SCRT2: variants seen among roughly 807,000 people sequenced by gnomAD.
The protein encoded by SCRT2 is transcriptional repressor scratch 2.
In SCRT2, 2 loss-of-function variants were observed where a neutral mutation model predicts 3.7. The ratio of observed to expected loss-of-function variants is 0.54; its 90% CI spans 0.22 to 1.70. SCRT2 has a LOEUF of 1.70. SCRT2 is among the 40% of genes most tolerant of loss of function. The probability of loss-of-function intolerance (pLI) is 0.19; values close to 1 mark genes in which losing one functional copy is unlikely to be tolerated. For missense variants in SCRT2, 456 were observed against 468.5 expected, an observed-to-expected ratio of 0.97 and a Z score of 0.25; for synonymous variants, 256 against 220.6, an observed-to-expected ratio of 1.16 and a Z score of -1.42.
In SCRT2 at chr20:664,379, C is replaced by T; in HGVS notation, c.216G>A (p.Ala72=). 3.5e-6 allele frequency: 5 copies of T among 1,426,148 alleles called. No homozygotes were observed. The highest frequency in any genetic ancestry group is 2.2e-5 in the Admixed American group (1 of 45,364). 88.3% of individuals were successfully genotyped at this position (1,426,148 alleles called of 1,614,324 possible). The change falls in exon 2 of 2, where the codon GCG becomes GCA. Residue 72 remains alanine (A), a synonymous_variant. Coordinates refer to ENST00000246104, the MANE Select transcript of SCRT2 (RefSeq NM_033129.4). This position sits in a 1 kb window ranked among gnomAD's most constrained non-coding sequence, Gnocchi z 7.9. The part of the protein sequence containing the change: ...PGLELAPAEP[A]YPPAAPEEYS... ...ACTCCTCCGGCGCCGCCGGCGGGTA[C>T]GCGGGCTCGGCCGGGGCCAGCTCCA... is the stretch of plus-strand genomic sequence containing the variant.
Position 675,426 on chromosome 20 carries a change from C to T in SCRT2, c.133+43G>A. The T allele has an allele frequency of 7.8e-7, 1 of 1,284,838 alleles. No individual in the cohort carries two copies. The highest frequency in any genetic ancestry group is 2.5e-5 in the South Asian group (1 of 39,316). 79.6% of individuals were successfully genotyped at this position (1,284,838 alleles called of 1,614,324 possible). ...AGCTGGGGAGGGCCCCAGCTCCCCT[C>T]GCCTCTTCTCCCAACCCCCCGCCCC... On this transcript the variant is annotated intron_variant, in intron 1 of 1. Coordinates refer to ENST00000246104, the MANE Select transcript of SCRT2 (RefSeq NM_033129.4). The surrounding 1 kb of genome is among the most constrained non-coding windows in gnomAD (Gnocchi z 6.9).
In SCRT2 at chr20:663,896, C is replaced by T. The variant is rs892207105; in HGVS notation, c.699G>A (p.Ser233=). Residue 233 remains serine, a synonymous_variant, in exon 2 of 2, where the codon TCG becomes TCA. Coordinates refer to ENST00000246104, the MANE Select transcript of SCRT2 (RefSeq NM_033129.4). The surrounding 1 kb of genome is among the most constrained non-coding windows in gnomAD (Gnocchi z 6.9). ...AGCCGAACGGCTTTTCGCCGGTGTG[C>T]GAGCGCATGTGACCCTGCAGCAGCC... The part of the protein sequence containing the change: ...RPWLLQGHMR[S]HTGEKPFGCA... 2.5e-5 allele frequency: 40 copies of T among 1,604,190 alleles called. No individual in the cohort carries two copies. The highest frequency in any genetic ancestry group is 3.1e-5 in the Non-Finnish European group (37 of 1,177,714).
intron 1 of SCRT2, among the ~76,000 whole-genome samples, chr20:672,440 T>G (rs1984370769): frequency 6.6e-6 from 1 of 151,666 alleles, no homozygotes; most frequent in Admixed American, 6.6e-5. Context: ...TGCGTGTGTG[T>G]GTATGGAGGA....
In SCRT2 at chr20:675,446, C is replaced by T. The variant is rs1599926897; in HGVS notation, c.133+23G>A. 7.7e-7 allele frequency: 1 copy of T among 1,300,730 alleles called. No individual in the cohort carries two copies. Among genetic ancestry groups the T allele is most frequent in the Non-Finnish European group, 9.8e-7 (1 of 1,015,710 alleles). The allele number at this position is 1,300,730 out of a possible 1,614,324, so 80.6% of individuals were successfully genotyped here. ...CCCCTCGCCTCTTCTCCCAACCCCCCGCCCCCGCCGGGTCCCACTCACCGT... is the reference window on the plus strand; with the variant it reads ...CCCCTCGCCTCTTCTCCCAACCCCCTGCCCCCGCCGGGTCCCACTCACCGT... On this transcript the variant is annotated intron_variant, in intron 1 of 1. Transcript: ENST00000246104. The surrounding 1 kb of genome is among the most constrained non-coding windows in gnomAD (Gnocchi z 6.9).
At position 663,763 on chromosome 20, in the gene SCRT2, C is replaced by G. The variant is rs1347193561; in HGVS notation, c.832G>C (p.Ala278Pro). 5.7e-6 allele frequency: 9 copies of G among 1,581,938 alleles called. No homozygotes were observed. The highest frequency in any genetic ancestry group is 7.7e-6 in the Non-Finnish European group (9 of 1,166,422). ...TGCTTGTGGAGGTAGGACTTGAGCG[C>G]GAAGCTCTTGTCGCACTGGCGGCAG... Reference protein sequence around the residue: ...YRCRQCDKSFALKSYLHKHCE... With the variant: ...YRCRQCDKSFPLKSYLHKHCE... The change falls in exon 2 of 2, where the codon GCG becomes CCG. Residue 278 changes from alanine (A) to proline (P), a missense_variant. Ala to Pro is a conservative substitution (Grantham distance 27). Transcript: ENST00000246104. This position sits in a 1 kb window ranked among gnomAD's most constrained non-coding sequence, Gnocchi z 6.9.
chr20:662,600 T>C lies in SCRT2; in HGVS notation c.*1071A>G, dbSNP rs1983993747. The C allele has an allele frequency of 6.6e-6, 1 of 152,256 alleles. No homozygotes were observed. The highest frequency in any genetic ancestry group is 6.5e-5 in the Admixed American group (1 of 15,274). The allele number at this position is 152,256 out of a possible 1,614,324, so 9.4% of individuals were successfully genotyped here. On this transcript the variant is annotated 3_prime_UTR_variant, in exon 2 of 2. Coordinates refer to ENST00000246104, the MANE Select transcript of SCRT2 (RefSeq NM_033129.4). The stretch of plus-strand genomic sequence containing the variant: ...CTGGGGAAGCCAGACGGTCCCTGGG[T>C]GAGGCCAAGAGATTAAATAGAATAA...
intron 1 of SCRT2, among the ~76,000 whole-genome samples, chr20:669,127 G>A (rs1984248584): frequency 6.6e-6 from 1 of 151,544 alleles, no homozygotes; most frequent in South Asian, 2.1e-4. Context: ...GTTAGCCTGT[G>A]GTGGGGTGGG....
Position 666,923 on chromosome 20 carries a change from T to A in SCRT2, c.134-2462A>T, listed in dbSNP as rs74715922. ...GGTTGTGCTTCAGGTCCTTTTTTTT[T>A]AAAATGGGATTTATCTGGAGGGGTG... On this transcript the variant is annotated intron_variant, in intron 1 of 1. Coordinates refer to ENST00000246104, the MANE Select transcript of SCRT2 (RefSeq NM_033129.4). This position sits in a 1 kb window ranked among gnomAD's most constrained non-coding sequence, Gnocchi z 4.4. Among the ~76,000 whole-genome samples the A allele has an allele frequency of 6.4e-3, 978 of 152,248 alleles. 13 individuals are homozygous for A. The highest frequency in any genetic ancestry group is 0.021 in the African/African-American group (861 of 41,524).
rs187971428 is a variant in SCRT2, at chr20:669,097, G to A, written c.134-4636C>T. Among the ~76,000 whole-genome samples, 57 of 81,256 alleles carry A rather than the reference G, an allele frequency of 7.0e-4. No individual in the cohort carries two copies. The East Asian group carries it at 0.018, about 26-fold the overall frequency. 53.3% of individuals were successfully genotyped at this position (81,256 alleles called of 152,430 possible). On this transcript the variant is annotated intron_variant, in intron 1 of 1. Transcript: ENST00000246104. ...CAATTGGTAGGGGAAGGGGTGGTGCGTTTCCTCAAACACTCCCTAGTTAGC... is the reference window on the plus strand; with the variant it reads ...CAATTGGTAGGGGAAGGGGTGGTGCATTTCCTCAAACACTCCCTAGTTAGC...
In SCRT2 at chr20:673,459, T is replaced by G. The variant is rs183933738; in HGVS notation, c.133+2010A>C. Among the ~76,000 whole-genome samples the G allele has an allele frequency of 1.8e-3, 272 of 152,308 alleles. 1 individual carries two copies. Among genetic ancestry groups the G allele is most frequent in the Middle Eastern group, 3.4e-3 (1 of 294 alleles). ...AAGGTCACACAGCATGTGAGAGATC[T>G]AGAGCCCAGGCCTCCAAATTTCAGG... On this transcript the variant is annotated intron_variant, in intron 1 of 1. Transcript: ENST00000246104.
At chr20:673,871 T>A (rs1382479673) in intron 1 of SCRT2, among the ~76,000 whole-genome samples, 1 of 152,090 alleles carries the variant, frequency 6.6e-6, no homozygotes, top group Non-Finnish European at 1.5e-5. Context: ...CCTTAAGAGA[T>A]CCATATCCCA....
intron 1 of SCRT2, among the ~76,000 whole-genome samples, chr20:670,312 G>A (rs917521498): frequency 6.6e-6 from 1 of 152,084 alleles, no homozygotes; most frequent in Non-Finnish European, 1.5e-5. Context: ...CTCTTCCCCC[G>A]GCCTCCTACT....
chr20:663,680 C>T lies in SCRT2; in HGVS notation c.915G>A (p.Pro305=), dbSNP rs962411795. ...AEPPPPTPAG[P]AS ...GGGCGAGGCGGAAGGCTCAGCTGGC[C>T]GGGCCGGCGGGGGTCGGCGGGGGTG... Residue 305 remains proline (P), a synonymous_variant, in exon 2 of 2, where the codon CCG becomes CCA. Transcript: ENST00000246104. This position sits in a 1 kb window ranked among gnomAD's most constrained non-coding sequence, Gnocchi z 6.9. 5.3e-6 allele frequency: 8 copies of T among 1,498,598 alleles called. No homozygotes were observed. Among genetic ancestry groups the T allele is most frequent in the Non-Finnish European group, 7.1e-6 (8 of 1,126,740 alleles). 92.8% of individuals were successfully genotyped at this position (1,498,598 alleles called of 1,614,324 possible).
At chr20:669,614 T>C (rs1236454676) in intron 1 of SCRT2, among the ~76,000 whole-genome samples, 1 of 152,164 alleles carries the variant, frequency 6.6e-6, no homozygotes, top group East Asian at 1.9e-4. Context: ...TGCTGGGTGG[T>C]AGGGGCTGGA....
In SCRT2 at chr20:663,628, C is replaced by T. The variant is rs1029833394; in HGVS notation, c.*43G>A. ...GCGGGCGCAGGTAGGGGGCCCGGGG[C>T]GCGTGGAGAGCGAGTTCCGGGCGCG... On this transcript the variant is annotated 3_prime_UTR_variant, in exon 2 of 2. Coordinates refer to ENST00000246104, the MANE Select transcript of SCRT2 (RefSeq NM_033129.4). The surrounding 1 kb of genome is among the most constrained non-coding windows in gnomAD (Gnocchi z 6.9). 3.7e-6 allele frequency: 5 copies of T among 1,343,188 alleles called. No homozygotes were observed. The highest frequency in any genetic ancestry group is 4.7e-6 in the Non-Finnish European group (5 of 1,054,734). The allele number at this position is 1,343,188 out of a possible 1,614,324, so 83.2% of individuals were successfully genotyped here. A position where few individuals can be genotyped will look rare whatever the true frequency, so the allele number is the denominator to read the frequency against.
Position 663,604 on chromosome 20 carries a change from C to A in SCRT2, c.*67G>T. On this transcript the variant is annotated 3_prime_UTR_variant, in exon 2 of 2. Coordinates refer to ENST00000246104, the MANE Select transcript of SCRT2 (RefSeq NM_033129.4). The surrounding 1 kb of genome is among the most constrained non-coding windows in gnomAD (Gnocchi z 6.9). ...CAGCCGGGGCTGGGCGAGGGCGCTG[C>A]GGGCGCAGGTAGGGGGCCCGGGGCG... 1 of 1,274,756 alleles carries A rather than the reference C, an allele frequency of 7.8e-7. No homozygotes were observed. The allele number at this position is 1,274,756 out of a possible 1,614,324, so 79.0% of individuals were successfully genotyped here. A position where few individuals can be genotyped will look rare whatever the true frequency, so the allele number is the denominator to read the frequency against.
chr20:671,814 A>T (rs905055189), intron 1 of SCRT2, among the ~76,000 whole-genome samples: 1 of 152,010 alleles, frequency 6.6e-6, no homozygotes, highest in African/African-American at 2.4e-5. Context: ...ATGCACTCTG[A>T]GAGGGCAGGA....
intron 1 of SCRT2, among the ~76,000 whole-genome samples, chr20:668,368 C>T (rs1296688737): frequency 6.6e-6 from 1 of 152,178 alleles, no homozygotes; most frequent in East Asian, 1.9e-4. Flanking sequence ...AGGTACCTTC[C>T]TCTGCCCTAA....
chr20:665,433 A>T lies in SCRT2; in HGVS notation c.134-972T>A, dbSNP rs1018336027. 1.3e-5 allele frequency among the ~76,000 whole-genome samples: 2 copies of T among 152,200 alleles called. No homozygotes were observed. Among genetic ancestry groups the T allele is most frequent in the Non-Finnish European group, 2.9e-5 (2 of 68,024 alleles). On this transcript the variant is annotated intron_variant, in intron 1 of 1. Transcript: ENST00000246104. The surrounding 1 kb of genome is among the most constrained non-coding windows in gnomAD (Gnocchi z 5.0). Reference sequence around the variant, plus strand: ...TCGCACCTGCTCCCAAGCCTGCTCTAGAAGTCGTCGGAAGTCCGCAGTGAG... The same window carrying T: ...TCGCACCTGCTCCCAAGCCTGCTCTTGAAGTCGTCGGAAGTCCGCAGTGAG...
Sources: gnomAD v4.1 joint callset for allele counts (sites outside exome capture counted in the v4.1 genomes callset) on GRCh38, gnomAD v4.1.1 for gene constraint, Gnocchi (gnomAD v3.1) non-coding constraint, MANE v1.5 for transcripts, NCBI Gene and HGNC (gene_info 2026-07-23, HGNC 2026-07-21) for gene names.